Variants in PDE2A observed in about 807,000 individuals in gnomAD.
PDE2A encodes cGMP-dependent 3',5'-cyclic phosphodiesterase.
A neutral mutation model predicts 133.6 loss-of-function variants in PDE2A; 53 were observed. That is an observed-to-expected ratio of 0.40 (90% CI 0.32 to 0.50). The LOEUF is 0.50. PDE2A is among the 20% of genes least tolerant of loss of function. PDE2A has a pLI of 0.73. For synonymous variants in PDE2A, 491 were observed against 490.2 expected (o/e 1.00, Z -0.02); for missense variants, 796 against 1,232.4 (o/e 0.65, Z 5.30).
At chr11:72,671,466 G>A (rs1336037355) in intron 1 of PDE2A, among the ~76,000 whole-genome samples, 1 of 152,126 alleles carries the variant, frequency 6.6e-6, no homozygotes, top group Non-Finnish European at 1.5e-5. Flanking sequence ...AAGGGGTAAA[G>A]GACTGCTGGG....
chr11:72,603,532 G>A (rs776930342), intron 4 of PDE2A, among the ~76,000 whole-genome samples: 28 of 152,180 alleles, frequency 1.8e-4, no homozygotes, highest in Non-Finnish European at 4.0e-4. Context: ...CTCCCAGGAA[G>A]GCCTCCCAGG....
chr11:72,627,807 C>T (rs1192864206), intron 2 of PDE2A, among the ~76,000 whole-genome samples: 1 of 152,234 alleles, frequency 6.6e-6, no homozygotes, highest in Non-Finnish European at 1.5e-5. Context: ...GCCCTGAGAG[C>T]CATCACAAAG....
intron 18 of PDE2A, 26 bp downstream of exon 18, chr11:72,584,512 GCGCAGGCCCCGCC>G: frequency 6.5e-7 from 1 of 1,550,066 alleles, no homozygotes; most frequent in Admixed American, 1.9e-5. Flanking sequence ...GCCCCGCCCG[GCGCAGGCCCCGCC>G]CCTCCGCCCG....
At chr11:72,580,466 T>C in intron 25 of PDE2A, 111 bp downstream of exon 25, 1 of 833,730 alleles carries the variant, frequency 1.2e-6, no homozygotes, top group Non-Finnish European at 2.0e-6. Context: ...GCTGCAGCTC[T>C]CGCAGCCTGT....
At chr11:72,629,169 A>G (rs1183733055) in intron 2 of PDE2A, among the ~76,000 whole-genome samples, 2 of 152,232 alleles carry the variant, frequency 1.3e-5, no homozygotes, top group African/African-American at 4.8e-5. Context: ...AAATACAGGG[A>G]TAGGAGCAGG....
At chr11:72,672,566 A>G (rs1855409070) in intron 1 of PDE2A, among the ~76,000 whole-genome samples, 1 of 152,088 alleles carries the variant, frequency 6.6e-6, no homozygotes, top group Non-Finnish European at 1.5e-5. Context: ...GGCTCTCTGG[A>G]TAAAGCCTAA....
At chr11:72,603,666 C>T (rs1301562124) in intron 4 of PDE2A, among the ~76,000 whole-genome samples, 1 of 152,194 alleles carries the variant, frequency 6.6e-6, no homozygotes, top group Non-Finnish European at 1.5e-5. Flanking sequence ...GGGGACATGA[C>T]CACATTTTTC....
At chr11:72,622,968 G>A (rs1857855249) in intron 2 of PDE2A, among the ~76,000 whole-genome samples, 1 of 152,176 alleles carries the variant, frequency 6.6e-6, no homozygotes, top group Non-Finnish European at 1.5e-5. Flanking sequence ...GGGGTGATGA[G>A]TATATGGCAG....
chr11:72,603,326 T>C (rs1169829108), intron 4 of PDE2A, among the ~76,000 whole-genome samples: 1 of 152,034 alleles, frequency 6.6e-6, no homozygotes, highest in African/African-American at 2.4e-5. Flanking sequence ...CCTTACTGAG[T>C]CTGAAGTGGT....
Position 72,626,700 on chromosome 11 carries a change from A to C in PDE2A, c.144+15554T>G, listed in dbSNP as rs181751147. Among the ~76,000 whole-genome samples the C allele has an allele frequency of 5.3e-5, 8 of 152,266 alleles. No individual in the cohort carries two copies. In the East Asian group the frequency reaches 1.4e-3, roughly 26 times the overall value. ...GAAGCCCTACTCCACCTGCAGCGGC[A>C]ATGGCAATACCCCCTCCAACCTGGC... is the stretch of plus-strand genomic sequence containing the variant. On this transcript the variant is annotated intron_variant, in intron 2 of 30. Coordinates refer to ENST00000334456, the MANE Select transcript of PDE2A (RefSeq NM_002599.5).
At chr11:72,589,305 C>T in intron 11 of PDE2A, 65 bp from the exon 12 acceptor site, 3 of 1,190,996 alleles carry the variant, frequency 2.5e-6, no homozygotes, top group Non-Finnish European at 3.7e-6. Flanking sequence ...CTCAACCTGT[C>T]CCCACCCTCA....
chr11:72,579,637 G>A, intron 25 of PDE2A, 29 bp from the exon 26 acceptor site: 1 of 1,530,056 alleles, frequency 6.5e-7, no homozygotes, highest in Non-Finnish European at 9.0e-7. Context: ...TGGGGGCCCA[G>A]CTGGGGCAGA....
chr11:72,642,195 C>T (rs1412026077), intron 2 of PDE2A, 59 bp downstream of exon 2: 3 of 1,387,336 alleles, frequency 2.2e-6, no homozygotes, highest in Admixed American at 3.5e-5. Context: ...CGGGCAGACC[C>T]GGCCCGGCGC....
chr11:72,595,996 C>A (rs554257868), intron 6 of PDE2A, among the ~76,000 whole-genome samples: 2 of 152,132 alleles, frequency 1.3e-5, no homozygotes, highest in African/African-American at 2.4e-5. Flanking sequence ...AGAAAGCCCC[C>A]CTAGCTGCCT....
At chr11:72,632,352 C>T (rs764116257) in intron 2 of PDE2A, among the ~76,000 whole-genome samples, 2 of 152,160 alleles carry the variant, frequency 1.3e-5, no homozygotes, top group Non-Finnish European at 2.9e-5. Context: ...CTCTTAGCTG[C>T]GCCTGCAGCT....
At chr11:72,577,982 A>G (rs1357029813) in intron 30 of PDE2A, among the ~76,000 whole-genome samples, 1 of 152,228 alleles carries the variant, frequency 6.6e-6, no homozygotes, top group Non-Finnish European at 1.5e-5. Context: ...AAAAAAAACA[A>G]GAACTTCCAC....
chr11:72,660,385 C>T (rs1386092371), intron 1 of PDE2A, among the ~76,000 whole-genome samples: 1 of 152,204 alleles, frequency 6.6e-6, no homozygotes, highest in African/African-American at 2.4e-5. Context: ...ATATTAGGTG[C>T]TCACACAGGA....
intron 2 of PDE2A, among the ~76,000 whole-genome samples, chr11:72,611,818 C>T (rs1233507225): frequency 1.3e-5 from 2 of 152,224 alleles, no homozygotes; most frequent in African/African-American, 4.8e-5. Context: ...GCCTTCAAGG[C>T]TTGCTCAAAT....
chr11:72,646,044 T>C (rs984194817), intron 1 of PDE2A, among the ~76,000 whole-genome samples: 1 of 152,222 alleles, frequency 6.6e-6, no homozygotes, highest in Non-Finnish European at 1.5e-5. Context: ...TCCCCAAGAA[T>C]GCAGTGGCTG....
Sources: allele counts gnomAD v4.1 joint callset (sites outside exome capture counted in the v4.1 genomes callset), GRCh38; gene constraint gnomAD v4.1.1; transcripts MANE v1.5; gene names NCBI Gene and HGNC (gene_info 2026-07-23, HGNC 2026-07-21).